Variants in UBE4B observed in about 807,000 individuals in gnomAD.
The protein encoded by UBE4B is ubiquitin conjugation factor E4 B.
Under a neutral mutation model 148.1 loss-of-function variants are expected in UBE4B, and 27 were observed. That is an observed-to-expected ratio of 0.18 (90% CI 0.13 to 0.25). The LOEUF is 0.25. Ranked by LOEUF, UBE4B falls within the 10% of genes least tolerant of loss-of-function variation. The pLI is 1.00. For synonymous variants in UBE4B, 596 were observed against 619.3 expected, an observed-to-expected ratio of 0.96 and a Z score of 0.56; for missense variants, 1,170 against 1,662.4, an observed-to-expected ratio of 0.70 and a Z score of 5.15.
chr1:10,160,677 T>G (rs892220494), intron 22 of UBE4B, among the ~76,000 whole-genome samples: 5 of 152,178 alleles, frequency 3.3e-5, no homozygotes, highest in Non-Finnish European at 7.3e-5. Flanking sequence ...CCAGGTGTGG[T>G]GGCTCATCTC....
intron 2 of UBE4B, among the ~76,000 whole-genome samples, chr1:10,080,957 G>A (rs1411493619): frequency 6.6e-6 from 1 of 152,194 alleles, no homozygotes; most frequent in Non-Finnish European, 1.5e-5. Context: ...CAAAATTTCA[G>A]TTAGATCAGA....
rs375851484 is a variant in UBE4B at position 10,106,732 on chromosome 1, G to A, written c.1196+149G>A. 16 of 1,089,668 alleles carry A rather than the reference G, an allele frequency of 1.5e-5. No individual in the cohort carries two copies. The highest frequency in any genetic ancestry group is 1.0e-4 in the Admixed American group (3 of 28,972). The allele number at this position is 1,089,668 out of a possible 1,614,324, so 67.5% of individuals were successfully genotyped here. ...TGTGGCTAACTAGTTTGGTAGGCAC[G>A]TACTCTGAGTCCATGCTTCTGCCAG... is the stretch of plus-strand genomic sequence containing the variant. On this transcript the variant is annotated intron_variant, in intron 7 of 27. Transcript: ENST00000343090. This position sits in a 1 kb window ranked among gnomAD's most constrained non-coding sequence, Gnocchi z 4.2.
At chr1:10,099,343 A>C (rs1247768725) in intron 3 of UBE4B, among the ~76,000 whole-genome samples, 1 of 152,228 alleles carries the variant, frequency 6.6e-6, no homozygotes, top group Non-Finnish European at 1.5e-5. Context: ...GTCTGCCAGC[A>C]ACAAAAAGTT....
At chr1:10,138,942 CTT>C (rs1185605929) in intron 17 of UBE4B, among the ~76,000 whole-genome samples, 1 of 152,138 alleles carries the variant, frequency 6.6e-6, no homozygotes, top group African/African-American at 2.4e-5. Flanking sequence ...CTGGAGTAAA[CTT>C]AACTTTTATA....
chr1:10,046,455 T>C (rs1643914252), intron 1 of UBE4B, among the ~76,000 whole-genome samples: 1 of 152,128 alleles, frequency 6.6e-6, no homozygotes, highest in Non-Finnish European at 1.5e-5. Context: ...GTTAGGATAA[T>C]GGAAGTAGAA....
Position 10,137,105 on chromosome 1 carries a change from A to G in UBE4B, c.2263A>G (p.Thr755Ala). The G allele has an allele frequency of 6.2e-7, 1 of 1,614,152 alleles. No individual in the cohort carries two copies. Among genetic ancestry groups the G allele is most frequent in the Non-Finnish European group, 8.5e-7 (1 of 1,180,030 alleles). The change falls in exon 17 of 28, where the codon ACG becomes GCG. Residue 755 changes from threonine (T) to alanine (A), a missense_variant. Thr to Ala is a moderately conservative substitution (Grantham distance 58). Around this residue, in one of 6 missense-constraint regions of UBE4B, gnomAD observed 388 missense variants for 536.0 expected, o/e 0.72. Transcript: ENST00000343090. ...TCCATTTTCTGAGCCGAAATTCCCT[A>G]CGGAGTGCTTCTTTCTCACCCTGCA... ...QPPFSEPKFP[T>A]ECFFLTLHAH... is the part of the protein sequence containing the mutation.
chr1:10,059,651 C>T (rs1222719835), intron 1 of UBE4B: 9 of 163,512 alleles, frequency 5.5e-5, no homozygotes, highest in Non-Finnish European at 6.7e-5. Flanking sequence ...AGGGCAAGGC[C>T]GAGGCGTGAA....
Position 10,072,143 on chromosome 1 carries a change from C to A in UBE4B, c.140C>A (p.Pro47Gln), listed in dbSNP as rs772292646. 4 of 1,613,796 alleles carry A rather than the reference C, an allele frequency of 2.5e-6. No individual in the cohort carries two copies. Among genetic ancestry groups the A allele is most frequent in the Non-Finnish European group, 3.4e-6 (4 of 1,179,956 alleles). Reference sequence around the variant, plus strand: ...GGGCCTCCCATAGCGGCATCAGCCCCAGGACCCTCTCAGAGTCTTGGTCTC... The same window carrying A: ...GGGCCTCCCATAGCGGCATCAGCCCAAGGACCCTCTCAGAGTCTTGGTCTC... ...PPGPPIAASA[P>Q]GPSQSLGLNV... The change falls in exon 2 of 28, where the codon CCA becomes CAA. Residue 47 changes from proline to glutamine, a missense_variant. Physicochemically the swap from Pro to Gln is moderately conservative, Grantham distance 76 (BLOSUM62 -1). Transcript: ENST00000343090.
At chr1:10,104,051 A>T (rs909197055) in intron 5 of UBE4B, among the ~76,000 whole-genome samples, 2 of 151,566 alleles carry the variant, frequency 1.3e-5, no homozygotes, top group African/African-American at 4.9e-5. Flanking sequence ...TGAGCCACCG[A>T]GCCTGGCCTT....
At chr1:10,149,391 CTG>C in intron 20 of UBE4B, 109 bp downstream of exon 20, 1 of 825,520 alleles carries the variant, frequency 1.2e-6, no homozygotes, top group Non-Finnish European at 1.8e-6. Context: ...TTTGATGTAA[CTG>C]TTTTAACTGA....
chr1:10,096,982 T>A (rs1226702215), intron 3 of UBE4B, among the ~76,000 whole-genome samples: 3 of 150,250 alleles, frequency 2.0e-5, no homozygotes, highest in Non-Finnish European at 4.4e-5. Flanking sequence ...TAGGCTACAG[T>A]GAACTGAGAT....
At chr1:10,139,013 G>C (rs1645741636) in intron 17 of UBE4B, among the ~76,000 whole-genome samples, 1 of 152,018 alleles carries the variant, frequency 6.6e-6, no homozygotes, top group South Asian at 2.1e-4. Context: ...TAGGATTTTT[G>C]CATCTGTTCA....
In UBE4B at chr1:10,106,121, A is replaced by G. The variant is rs1162833709; in HGVS notation, c.810-76A>G. On this transcript the variant is annotated intron_variant, in intron 6 of 27. Coordinates refer to ENST00000343090, the MANE Select transcript of UBE4B (RefSeq NM_001105562.3). The surrounding 1 kb of genome is among the most constrained non-coding windows in gnomAD (Gnocchi z 4.2). ...AATGATTCTCCTTTAAAAGCTTGAT[A>G]TTTTCTGTTTTAGTTAGTTATCTCA... The G allele has an allele frequency of 6.8e-6, 10 of 1,462,740 alleles. No individual in the cohort carries two copies. Among genetic ancestry groups the G allele is most frequent in the East Asian group, 2.3e-5 (1 of 43,602 alleles). The allele number at this position is 1,462,740 out of a possible 1,614,324, so 90.6% of individuals were successfully genotyped here.
chr1:10,160,056 A>T (rs1646135795), intron 22 of UBE4B, among the ~76,000 whole-genome samples: 1 of 152,204 alleles, frequency 6.6e-6, no homozygotes, highest in African/African-American at 2.4e-5. Context: ...ACCACCCCGT[A>T]GTTGCACAGT....
At chr1:10,114,079 G>GAA (rs1175645933) in intron 7 of UBE4B, among the ~76,000 whole-genome samples, 2 of 111,838 alleles carry the variant, frequency 1.8e-5, no homozygotes, top group Non-Finnish European at 1.9e-5. Context: ...AAAAAAAAAA[G>GAA]AAAAAAAAAA....
chr1:10,137,921 C>CTTTTTTTTTTTTTTTTTTT lies in UBE4B; in HGVS notation c.2363+729_2363+747dup, dbSNP rs70998351. 3.0e-5 allele frequency among the ~76,000 whole-genome samples: 2 copies of CTTTTTTTTTTTTTTTTTTT among 67,032 alleles called. 1 individual carries two copies. Among genetic ancestry groups the CTTTTTTTTTTTTTTTTTTT allele is most frequent in the African/African-American group, 1.4e-4 (2 of 14,546 alleles). 44.0% of individuals were successfully genotyped at this position (67,032 alleles called of 152,430 possible). A position where few individuals can be genotyped will look rare whatever the true frequency, so the allele number is the denominator to read the frequency against. ...ACCTTGCTTAAATCACTTACTAATT[C>CTTTTTTTTTTTTTTTTTTT]TTTTTTTTTTTTTTTTTTTTTTTTT... On this transcript the variant is annotated intron_variant, in intron 17 of 27. Transcript: ENST00000343090.
At chr1:10,097,052 A>AAAAAAAAT (rs554089049) in intron 3 of UBE4B, among the ~76,000 whole-genome samples, 16 of 138,516 alleles carry the variant, frequency 1.2e-4, no homozygotes, top group African/African-American at 3.4e-4. Flanking sequence ...AAAAAAAAAA[A>AAAAAAAAT]AATAATAATA....
At chr1:10,095,959 A>G (rs1391513642) in intron 3 of UBE4B, among the ~76,000 whole-genome samples, 2 of 152,040 alleles carry the variant, frequency 1.3e-5, no homozygotes, top group African/African-American at 2.4e-5. Flanking sequence ...TTTAGTAGAG[A>G]CAGGGTTTCA....
At position 10,101,208 on chromosome 1, in the gene UBE4B, T is replaced by A. The variant is rs767755258; in HGVS notation, c.435+13T>A. 1 of 1,612,732 alleles carries A rather than the reference T, an allele frequency of 6.2e-7. No individual in the cohort carries two copies. The highest frequency in any genetic ancestry group is 1.3e-5 in the African/African-American group (1 of 74,904). ...CCTCAGTGATAAGGTTGGTAAGCGA[T>A]GAAGCCCTTGGTACAGGTAATAGAA... On this transcript the variant is annotated intron_variant, in intron 4 of 27. Coordinates refer to ENST00000343090, the MANE Select transcript of UBE4B (RefSeq NM_001105562.3).
Sources: gnomAD v4.1 joint callset for allele counts (sites outside exome capture counted in the v4.1 genomes callset) on GRCh38, gnomAD v4.1.1 for gene constraint, gnomAD v4.1.1 regional missense constraint, Gnocchi (gnomAD v3.1) non-coding constraint, MANE v1.5 for transcripts, NCBI Gene and HGNC (gene_info 2026-07-23, HGNC 2026-07-21) for gene names.